Variants in COL4A4 observed in about 807,000 individuals in gnomAD.
COL4A4 encodes the protein collagen type IV alpha 4 chain, also known as collagen alpha-4(IV) chain.
In COL4A4, 105 loss-of-function variants were observed where a neutral mutation model predicts 192.9. That is an observed-to-expected ratio of 0.54 (90% confidence interval 0.46 to 0.64). The LOEUF is 0.64. Ranked by LOEUF, COL4A4 falls within the 30% of genes least tolerant of loss-of-function variation. COL4A4 has a pLI of 0.00. For missense variants in COL4A4, 1,967 were observed against 2,169.3 expected (o/e 0.91, Z 1.85); for synonymous variants, 762 against 769.9 (o/e 0.99, Z 0.17).
intron 26 of COL4A4, among the ~76,000 whole-genome samples, chr2:227,061,961 T>C (rs1977165451): frequency 6.6e-6 from 1 of 152,116 alleles, no homozygotes; most frequent in Non-Finnish European, 1.5e-5. Flanking sequence ...ACTTTCAGGC[T>C]GGGTGCGGTG....
At chr2:226,998,851 A>C (rs1225867389), downstream of COL4A4, 1 of 152,148 alleles carries the variant, frequency 6.6e-6, no homozygotes, top group African/African-American at 2.4e-5. Flanking sequence ...CCTCAGCCCC[A>C]TTTATCCATC....
intron 2 of COL4A4, among the ~76,000 whole-genome samples, chr2:227,146,236 G>A (rs889087557): frequency 1.3e-5 from 2 of 151,990 alleles, no homozygotes; most frequent in African/African-American, 4.8e-5. Context: ...ATACTGCACT[G>A]GACTTGTTCT....
intron 4 of COL4A4, among the ~76,000 whole-genome samples, chr2:227,135,968 T>C (rs749637753): frequency 6.6e-6 from 1 of 152,182 alleles, no homozygotes; most frequent in Non-Finnish European, 1.5e-5. Context: ...TCTTAATTTA[T>C]GTGTATTAAC....
Position 227,103,298 on chromosome 2 carries a change from T to TA in COL4A4, c.817-102dup, listed in dbSNP as rs111292507. 27,741 of 673,920 alleles carry TA rather than the reference T, an allele frequency of 0.041. 87 individuals carry two copies. Among genetic ancestry groups the TA allele is most frequent in the African/African-American group, 0.072 (3,798 of 52,742 alleles). The allele number at this position is 673,920 out of a possible 1,614,324, so 41.7% of individuals were successfully genotyped here. On this transcript the variant is annotated intron_variant, in intron 13 of 47. Transcript: ENST00000396625. ...TCTCTTTTTACAATCTGTTTCACCT[T>TA]AAAAAAAAAAATCTTAAGAGATTAC...
intron 5 of COL4A4, among the ~76,000 whole-genome samples, chr2:227,120,375 C>T (rs1254695250): frequency 1.3e-5 from 2 of 152,134 alleles, no homozygotes; most frequent in Admixed American, 6.5e-5. Context: ...GGAATAAGTT[C>T]AATCTACATA....
chr2:227,070,445 A>G (rs1409948305), intron 25 of COL4A4, among the ~76,000 whole-genome samples: 1 of 152,040 alleles, frequency 6.6e-6, no homozygotes. Context: ...CATTATTCAC[A>G]ATAGCAAAGA....
chr2:227,162,827 C>G (rs958676556), intron 1 of COL4A4, among the ~76,000 whole-genome samples: 8 of 152,158 alleles, frequency 5.3e-5, no homozygotes, highest in Non-Finnish European at 1.2e-4. Flanking sequence ...CCCAAAGATT[C>G]TAATGCACAA....
chr2:227,032,270 T>C lies in COL4A4; in HGVS notation c.3584A>G (p.His1195Arg). 2 of 1,613,676 alleles carry C rather than the reference T, an allele frequency of 1.2e-6. No individual in the cohort carries two copies. Among genetic ancestry groups the C allele is most frequent in the Non-Finnish European group, 1.7e-6 (2 of 1,179,718 alleles). The change falls in exon 39 of 48, where the codon CAT becomes CGT. Residue 1195 changes from histidine (H) to arginine (R), a missense_variant. Coordinates refer to ENST00000396625, the MANE Select transcript of COL4A4 (RefSeq NM_000092.5). ...QKGTKGASGL[H>R]DVGPPGPVGI... Reference sequence around the variant, plus strand: ...CACTGGACCAGGTGGCCCCACATCATGCAAACCTTAATGGGGAAAACAGAA... The same window carrying C: ...CACTGGACCAGGTGGCCCCACATCACGCAAACCTTAATGGGGAAAACAGAA...
chr2:227,140,899 AC>A (rs1369010963), intron 3 of COL4A4, among the ~76,000 whole-genome samples: 5 of 151,606 alleles, frequency 3.3e-5, no homozygotes, highest in African/African-American at 1.2e-4. Flanking sequence ...ACACACACAC[AC>A]ACACACACAC....
intron 34 of COL4A4, 70 bp downstream of exon 34, chr2:227,049,998 C>T: frequency 6.9e-7 from 1 of 1,458,654 alleles, no homozygotes; most frequent in East Asian, 2.3e-5. Context: ...GTAAAAGGCA[C>T]TTGTTTACAA....
the COL4A4 span, among the ~76,000 whole-genome samples, chr2:226,971,395 ACAGTGAAG>A: frequency 6.6e-6 from 1 of 152,342 alleles, no homozygotes; most frequent in Admixed American, 6.5e-5. Flanking sequence ...CACTGTCATC[ACAGTGAAG>A]CAGAACGGGC....
chr2:226,978,690 A>G, the COL4A4 span, among the ~76,000 whole-genome samples: 2 of 152,210 alleles, frequency 1.3e-5, no homozygotes, highest in Non-Finnish European at 2.9e-5. Context: ...CAAAATGATT[A>G]GATTCACGAG....
At chr2:227,048,337 G>T (rs912745401) in intron 34 of COL4A4, among the ~76,000 whole-genome samples, 4 of 152,166 alleles carry the variant, frequency 2.6e-5, no homozygotes, top group African/African-American at 9.7e-5. Context: ...TTGCTTGAGG[G>T]GTGGGATTCT....
chr2:227,125,334 C>A (rs925234796), intron 4 of COL4A4, among the ~76,000 whole-genome samples: 1 of 151,964 alleles, frequency 6.6e-6, no homozygotes, highest in Admixed American at 6.6e-5. Context: ...CAGCCTCCCC[C>A]CGTAGCTGGG....
the COL4A4 span, among the ~76,000 whole-genome samples, chr2:226,989,665 A>T: frequency 2.0e-5 from 3 of 152,216 alleles, no homozygotes; most frequent in African/African-American, 7.2e-5. Context: ...TCTATATTGC[A>T]GGAAACACTG....
intron 4 of COL4A4, among the ~76,000 whole-genome samples, chr2:227,121,737 A>G (rs2061808214): frequency 6.6e-6 from 1 of 152,192 alleles, no homozygotes; most frequent in South Asian, 2.1e-4. Context: ...GCACATGTGT[A>G]TATGTATGTA....
At chr2:227,025,471 T>C (rs1225469356) in intron 43 of COL4A4, among the ~76,000 whole-genome samples, 2 of 152,166 alleles carry the variant, frequency 1.3e-5, no homozygotes, top group Non-Finnish European at 2.9e-5. Context: ...ATTTATATTG[T>C]AGAATTTAAA....
chr2:227,026,375 G>A (rs1461452675), intron 42 of COL4A4, among the ~76,000 whole-genome samples: 1 of 152,026 alleles, frequency 6.6e-6, no homozygotes, highest in Non-Finnish European at 1.5e-5. Flanking sequence ...GCGGGCGCCT[G>A]TAGTCCCAGC....
In COL4A4 at chr2:227,123,996, A is replaced by G. The variant is rs925643887; in HGVS notation, c.193-2848T>C. ...TCAATGGCTTATGAGCATAAAAAGA[A>G]TAATGCATGTAATGGTGTTTAGCAT... is the stretch of plus-strand genomic sequence containing the variant. On this transcript the variant is annotated intron_variant, in intron 4 of 47. Transcript: ENST00000396625. The surrounding 1 kb of genome is among the most constrained non-coding windows in gnomAD (Gnocchi z 4.6). Among the ~76,000 whole-genome samples, 3 of 152,192 alleles carry G rather than the reference A, an allele frequency of 2.0e-5. No homozygotes were observed. The highest frequency in any genetic ancestry group is 7.2e-5 in the African/African-American group (3 of 41,452).
Sources: allele counts gnomAD v4.1 joint callset (sites outside exome capture counted in the v4.1 genomes callset), GRCh38; gene constraint gnomAD v4.1.1; non-coding constraint Gnocchi (gnomAD v3.1); transcripts MANE v1.5; gene names NCBI Gene and HGNC (gene_info 2026-07-23, HGNC 2026-07-21).